NEBL: variants seen among roughly 807,000 people sequenced by gnomAD.
NEBL encodes nebulette.
A neutral mutation model predicts 140.2 loss-of-function variants in NEBL; 122 were observed. That is an observed-to-expected ratio of 0.87 (90% confidence interval 0.75 to 1.01). The LOEUF is 1.01. NEBL is among the 50% of genes least tolerant of loss of function. NEBL has a pLI of 0.00. For missense variants in NEBL, 1,365 were observed against 1,231.3 expected, an observed-to-expected ratio of 1.11 and a Z score of -1.62; for synonymous variants, 436 against 398.9, an observed-to-expected ratio of 1.09 and a Z score of -1.11.
At chr10:21,228,753 T>C (rs1203176462) in intron 3 of NEBL, among the ~76,000 whole-genome samples, 1 of 152,254 alleles carries the variant, frequency 6.6e-6, no homozygotes, top group Non-Finnish European at 1.5e-5. Context: ...ATGGAGATAT[T>C]AGATTCAAGA....
rs1471062088 is a variant in NEBL, at chr10:21,157,148, T to C, written c.164+15235A>G. On this transcript the variant is annotated intron_variant, in intron 2 of 6. Transcript: ENST00000417816. ...ATTAGTGAAATCACAAAGATATGCA[T>C]GTCAAAGGAAGAAACAGACACTGTG... 2.0e-5 allele frequency among the ~76,000 whole-genome samples: 3 copies of C among 152,118 alleles called. 1 individual carries two copies. In the South Asian group the frequency reaches 6.2e-4, roughly 31 times the overall value.
intron 26 of NEBL, among the ~76,000 whole-genome samples, chr10:20,794,205 G>A (rs1437846970): frequency 6.6e-6 from 1 of 152,190 alleles, no homozygotes; most frequent in Admixed American, 6.5e-5. Context: ...GCAGGACCTG[G>A]CGGTCATCAG....
At chr10:21,107,842 C>T (rs1316101810) in intron 2 of NEBL, among the ~76,000 whole-genome samples, 1 of 152,162 alleles carries the variant, frequency 6.6e-6, no homozygotes, top group African/African-American at 2.4e-5. Flanking sequence ...GCCTCAATTT[C>T]AGAACCTGTC....
intron 1 of NEBL, among the ~76,000 whole-genome samples, chr10:21,288,293 C>A (rs1463325335): frequency 6.6e-6 from 1 of 151,808 alleles, no homozygotes; most frequent in Non-Finnish European, 1.5e-5. Flanking sequence ...CATAATGAAA[C>A]CCTGTCTCTA....
chr10:21,017,611 AG>A (rs1308351645), intron 3 of NEBL, among the ~76,000 whole-genome samples: 1 of 152,170 alleles, frequency 6.6e-6, no homozygotes, highest in Admixed American at 6.5e-5. Flanking sequence ...GCATCTCCAA[AG>A]TCAGGCATAT....
intron 3 of NEBL, among the ~76,000 whole-genome samples, chr10:20,976,223 C>T (rs1380811536): frequency 6.6e-6 from 1 of 151,866 alleles, no homozygotes; most frequent in South Asian, 2.1e-4. Flanking sequence ...CACCTGTAAT[C>T]CCAGCTACTT....
intron 2 of NEBL, among the ~76,000 whole-genome samples, chr10:21,117,818 C>T (rs369792617): frequency 7.2e-5 from 11 of 151,856 alleles, no homozygotes; most frequent in African/African-American, 1.9e-4. Context: ...AAAACAGGCT[C>T]TAGAGTCAGA....
chr10:20,996,421 T>C (rs1837667252), intron 3 of NEBL, among the ~76,000 whole-genome samples: 1 of 152,338 alleles, frequency 6.6e-6, no homozygotes, highest in Non-Finnish European at 1.5e-5. Flanking sequence ...AGACAGTGAT[T>C]GTGGTTATTT....
At chr10:20,845,695 T>G (rs1841869639) in intron 11 of NEBL, among the ~76,000 whole-genome samples, 1 of 152,042 alleles carries the variant, frequency 6.6e-6, no homozygotes, top group Non-Finnish European at 1.5e-5. Flanking sequence ...CCCCAATTGG[T>G]TTACTCCAAG....
intron 19 of NEBL, among the ~76,000 whole-genome samples, chr10:20,822,608 C>A (rs1839442847): frequency 2.0e-5 from 3 of 149,918 alleles, no homozygotes; most frequent in Admixed American, 6.7e-5. Context: ...TATATATAAA[C>A]TAATATAGAC....
chr10:20,901,133 G>A (rs888918319), upstream of NEBL, among the ~76,000 whole-genome samples: 3 of 152,104 alleles, frequency 2.0e-5, no homozygotes, highest in East Asian at 1.9e-4. Context: ...GGCATGAAAA[G>A]GTCTTCTCAT....
chr10:21,017,753 T>G (rs918474555), intron 3 of NEBL, among the ~76,000 whole-genome samples: 1 of 151,842 alleles, frequency 6.6e-6, no homozygotes, highest in Admixed American at 6.5e-5. Flanking sequence ...TTCTCAACCT[T>G]CAAGGCTCCA....
rs114953165 is a variant in NEBL, at chr10:20,978,836, C to T, written c.250-17057G>A. ...GCTAAAAATAAAAGTTGGAGCCACT[C>T]GAGAGCAAGAGGAGTATGTCTCCAT... On this transcript the variant is annotated intron_variant, in intron 3 of 6. Coordinates refer to the NEBL transcript ENST00000417816. Among the ~76,000 whole-genome samples the T allele has an allele frequency of 4.4e-3, 669 of 151,970 alleles. 6 individuals carry two copies. The highest frequency in any genetic ancestry group is 0.015 in the African/African-American group (640 of 41,468).
intron 1 of NEBL, among the ~76,000 whole-genome samples, chr10:21,281,229 G>T (rs1263897889): frequency 1.3e-5 from 2 of 152,152 alleles, no homozygotes; most frequent in Non-Finnish European, 2.9e-5. Context: ...CAGTTTGTCT[G>T]CACTGACTCT....
intron 9 of NEBL, 88 bp downstream of exon 9, chr10:20,858,152 G>T (rs780751544): frequency 2.0e-5 from 20 of 1,012,380 alleles, no homozygotes; most frequent in Non-Finnish European, 3.1e-5. Context: ...GGCCTTCTAA[G>T]GAAGCAGGTG....
chr10:20,962,962 A>C (rs1836118137), intron 3 of NEBL, among the ~76,000 whole-genome samples: 1 of 151,480 alleles, frequency 6.6e-6, no homozygotes, highest in South Asian at 2.1e-4. Flanking sequence ...ATCCTCAAGG[A>C]TACGACAAGA....
chr10:21,260,597 C>A (rs1231885269), intron 1 of NEBL, among the ~76,000 whole-genome samples: 1 of 152,176 alleles, frequency 6.6e-6, no homozygotes, highest in African/African-American at 2.4e-5. Flanking sequence ...CTCTGAATCA[C>A]TATGTTCCCC....
chr10:21,068,490 A>G (rs1835667123), intron 2 of NEBL, among the ~76,000 whole-genome samples: 1 of 152,168 alleles, frequency 6.6e-6, no homozygotes, highest in Non-Finnish European at 1.5e-5. Flanking sequence ...GGGGAGGAAC[A>G]TTCTTTCCCC....
intron 26 of NEBL, among the ~76,000 whole-genome samples, chr10:20,806,762 C>T (rs1007949035): frequency 6.6e-6 from 1 of 152,162 alleles, no homozygotes; most frequent in African/African-American, 2.4e-5. Context: ...ACTCAGTAAA[C>T]ATTTGGTGAC....
Sources: gnomAD v4.1 joint callset for allele counts (sites outside exome capture counted in the v4.1 genomes callset) on GRCh38, gnomAD v4.1.1 for gene constraint, MANE v1.5 for transcripts, NCBI Gene and HGNC (gene_info 2026-07-23, HGNC 2026-07-21) for gene names.